Variants in SHLD2 observed in about 807,000 individuals in gnomAD.
SHLD2 encodes the protein RINN1-REV7-interacting novel NHEJ regulator 2.
A neutral mutation model predicts 73.2 loss-of-function variants in SHLD2; 30 were observed. That is an observed-to-expected ratio of 0.41 (90% confidence interval 0.31 to 0.56). The LOEUF (loss-of-function observed/expected upper bound fraction) is 0.56, where lower values mean the gene tolerates loss of function less well. Ranked by LOEUF, SHLD2 falls within the 20% of genes least tolerant of loss-of-function variation. The probability of loss-of-function intolerance (pLI) is 0.28; values close to 1 mark genes in which losing one functional copy is unlikely to be tolerated. For missense variants in SHLD2, 745 were observed against 1,055.9 expected (o/e 0.71, Z 4.08); for synonymous variants, 285 against 370.1 (o/e 0.77, Z 2.64).
chr10:87,172,777 TTATA>T (rs1425274437), intron 6 of SHLD2, among the ~76,000 whole-genome samples: 1 of 151,988 alleles, frequency 6.6e-6, no homozygotes, highest in Admixed American at 6.6e-5. Context: ...AGAAAACCCT[TTATA>T]TATAATAGTA....
intron 2 of SHLD2, among the ~76,000 whole-genome samples, chr10:87,135,007 C>A (rs1844701041): frequency 6.6e-6 from 1 of 152,154 alleles, no homozygotes; most frequent in Admixed American, 6.5e-5. Context: ...GATAGAGCTC[C>A]TACAGTTTTT....
intron 4 of SHLD2, among the ~76,000 whole-genome samples, chr10:87,158,497 T>G (rs1377294650): frequency 6.6e-6 from 1 of 152,106 alleles, no homozygotes; most frequent in Non-Finnish European, 1.5e-5. Context: ...AAATTTTGCT[T>G]ATAATTCTAA....
chr10:87,097,452 C>T lies in SHLD2; in HGVS notation c.-6+463C>T, dbSNP rs142349305. On this transcript the variant is annotated intron_variant, in intron 2 of 9. Transcript: ENST00000298786. ...GGGGGGCCTACAAAAATTAGCCAGG[C>T]GTGGTGGCGGGGAGGGGGTTGGGCA... Among the ~76,000 whole-genome samples, 857 of 151,658 alleles carry T rather than the reference C, an allele frequency of 5.7e-3. 12 individuals carry two copies. The highest frequency in any genetic ancestry group is 0.02 in the African/African-American group (824 of 41,328).
intron 4 of SHLD2, among the ~76,000 whole-genome samples, chr10:87,167,522 G>C (rs1847286225): frequency 6.6e-6 from 1 of 152,054 alleles, no homozygotes; most frequent in South Asian, 2.1e-4. Flanking sequence ...ACTCATGAGA[G>C]GATTCTTATT....
In SHLD2 at chr10:87,175,081, C is replaced by T. The variant is rs544199768; in HGVS notation, c.1964-808C>T. On this transcript the variant is annotated intron_variant, in intron 6 of 9. Transcript: ENST00000298786. ...GCAGTGAGCCGAGATTGCGCCACTG[C>T]GCTCCAGCCTGGGCAACAGAGCGAG... 6.1e-3 allele frequency among the ~76,000 whole-genome samples: 875 copies of T among 143,276 alleles called. 10 individuals are homozygous for T. The highest frequency in any genetic ancestry group is 0.022 in the African/African-American group (830 of 38,230). 94.0% of individuals were successfully genotyped at this position (143,276 alleles called of 152,430 possible). A position where few individuals can be genotyped will look rare whatever the true frequency, so the allele number is the denominator to read the frequency against.
intron 4 of SHLD2, among the ~76,000 whole-genome samples, chr10:87,165,474 A>G (rs1847132548): frequency 6.6e-6 from 1 of 152,230 alleles, no homozygotes; most frequent in Non-Finnish European, 1.5e-5. Flanking sequence ...ATGCTTTGAT[A>G]TTATCCATTG....
At chr10:87,155,522 A>G (rs1473794559) in intron 3 of SHLD2, among the ~76,000 whole-genome samples, 2 of 151,758 alleles carry the variant, frequency 1.3e-5, no homozygotes, top group African/African-American at 4.8e-5. Flanking sequence ...TTTTTTCTTT[A>G]ATTTGTTTCA....
intron 2 of SHLD2, among the ~76,000 whole-genome samples, chr10:87,128,769 T>G (rs1161249367): frequency 6.6e-6 from 1 of 152,266 alleles, no homozygotes; most frequent in Non-Finnish European, 1.5e-5. Context: ...TTGTTTCCAC[T>G]GTTCTGAAAC....
intron 2 of SHLD2, among the ~76,000 whole-genome samples, chr10:87,099,914 T>C (rs764609605): frequency 3.3e-5 from 5 of 152,368 alleles, no homozygotes; most frequent in East Asian, 1.9e-4. Context: ...TATGTCTTAT[T>C]TGGAGAAATG....
At chr10:87,157,935 A>G (rs1275304323) in intron 3 of SHLD2, 113 bp from the exon 4 acceptor site, 2 of 755,028 alleles carry the variant, frequency 2.6e-6, no homozygotes, top group Non-Finnish European at 4.1e-6. Flanking sequence ...AACCTATTTG[A>G]TCTCTACTTG....
At chr10:87,167,086 TATGCAA>T (rs1847256532) in intron 4 of SHLD2, among the ~76,000 whole-genome samples, 1 of 152,142 alleles carries the variant, frequency 6.6e-6, no homozygotes, top group South Asian at 2.1e-4. Flanking sequence ...AATAACATGG[TATGCAA>T]ATGCTTTGCA....
At position 87,170,463 on chromosome 10, in the gene SHLD2, T is replaced by G. The variant is rs1847518776; in HGVS notation, c.1634-15T>G. On this transcript the variant is annotated splice_polypyrimidine_tract_variant and intron_variant, in intron 4 of 9. Transcript: ENST00000298786. ...TTGCCATCTTTTGTCTGTCTGTATGTTTTTTTTCCCTTAGATTCCAGTGTA... is the reference window on the plus strand; with the variant it reads ...TTGCCATCTTTTGTCTGTCTGTATGGTTTTTTTCCCTTAGATTCCAGTGTA... 1.3e-6 allele frequency: 2 copies of G among 1,527,448 alleles called. No homozygotes were observed. The highest frequency in any genetic ancestry group is 1.8e-6 in the Non-Finnish European group (2 of 1,135,128). The allele number at this position is 1,527,448 out of a possible 1,614,324, so 94.6% of individuals were successfully genotyped here.
chr10:87,168,735 C>T (rs1270652560), intron 4 of SHLD2, among the ~76,000 whole-genome samples: 1 of 152,092 alleles, frequency 6.6e-6, no homozygotes, highest in Non-Finnish European at 1.5e-5. Flanking sequence ...TAAACACTGG[C>T]TACTCATGGA....
chr10:87,161,091 C>T (rs1337676632), intron 4 of SHLD2, among the ~76,000 whole-genome samples: 5 of 151,842 alleles, frequency 3.3e-5, no homozygotes, highest in African/African-American at 1.2e-4. Flanking sequence ...TCCAGGGAAT[C>T]AAAGTTAAAA....
intron 4 of SHLD2, among the ~76,000 whole-genome samples, chr10:87,163,075 TTCAC>T (rs1846933091): frequency 6.7e-6 from 1 of 150,270 alleles, no homozygotes. Flanking sequence ...AGGAGAATGA[TTCAC>T]TAAGTTATGC....
intron 9 of SHLD2, among the ~76,000 whole-genome samples, chr10:87,189,924 A>G (rs1848929532): frequency 6.6e-6 from 1 of 152,234 alleles, no homozygotes; most frequent in Admixed American, 6.5e-5. Flanking sequence ...ACTGCAGCAT[A>G]ACCAGAACTG....
chr10:87,111,897 T>G (rs1842948005), intron 2 of SHLD2, among the ~76,000 whole-genome samples: 1 of 151,866 alleles, frequency 6.6e-6, no homozygotes, highest in African/African-American at 2.4e-5. Flanking sequence ...TTAGAATATG[T>G]AAAGAACTAT....
intron 2 of SHLD2, among the ~76,000 whole-genome samples, chr10:87,121,732 G>GA (rs1843633567): frequency 6.6e-6 from 1 of 151,028 alleles, no homozygotes; most frequent in African/African-American, 2.4e-5. Context: ...CCTGTAATCA[G>GA]GTTCAGCAAA....
upstream of SHLD2, chr10:87,094,931 G>C: frequency 2.6e-6 from 1 of 382,372 alleles, no homozygotes; most frequent in Non-Finnish European, 4.6e-6. The surrounding 1 kb of genome is among the most constrained non-coding windows in gnomAD (Gnocchi z 6.6). Context: ...CACCTAACGG[G>C]GAGGACGGAC....
Sources: gnomAD v4.1 joint callset for allele counts (sites outside exome capture counted in the v4.1 genomes callset) on GRCh38, gnomAD v4.1.1 for gene constraint, Gnocchi (gnomAD v3.1) non-coding constraint, MANE v1.5 for transcripts, NCBI Gene and HGNC (gene_info 2026-07-23, HGNC 2026-07-21) for gene names.